DIP2C: variants seen among roughly 807,000 people sequenced by gnomAD.
DIP2C encodes the protein DIP2 acetate--CoA ligase C (putative), also known as disco-interacting protein 2 homolog C.
In DIP2C, 33 loss-of-function variants were observed where a neutral mutation model predicts 192.4. The ratio of observed to expected loss-of-function variants is 0.17; its 90% confidence interval spans 0.13 to 0.23. The LOEUF is 0.23. DIP2C is among the 10% of genes least tolerant of loss of function. The probability of loss-of-function intolerance (pLI) is 1.00; values close to 1 mark genes in which losing one functional copy is unlikely to be tolerated. For synonymous variants in DIP2C, 979 were observed against 864.1 expected (o/e 1.13, Z -2.33); for missense variants, 1,537 against 2,110.1 (o/e 0.73, Z 5.32).
At chr10:421,770 C>T (rs1966200465) in intron 5 of DIP2C, among the ~76,000 whole-genome samples, 1 of 152,028 alleles carries the variant, frequency 6.6e-6, no homozygotes, top group Non-Finnish European at 1.5e-5. Flanking sequence ...TCACCAAAAG[C>T]CTAAAAGCAG....
At chr10:473,476 C>T (rs896224701) in intron 2 of DIP2C, among the ~76,000 whole-genome samples, 2 of 149,176 alleles carry the variant, frequency 1.3e-5, no homozygotes, top group South Asian at 2.1e-4. Flanking sequence ...GTTCTGTGAA[C>T]GGCTCTGATA....
At chr10:329,341 C>T (rs948681995) in intron 30 of DIP2C, 92 bp downstream of exon 30, 1 of 1,326,724 alleles carries the variant, frequency 7.5e-7, no homozygotes, top group Non-Finnish European at 1.0e-6. Flanking sequence ...TTTTGGAGGA[C>T]TGTTTTAACT....
At chr10:414,907 T>TATATA (rs1491253436) in intron 7 of DIP2C, among the ~76,000 whole-genome samples, 10 of 35,126 alleles carry the variant, frequency 2.8e-4, no homozygotes, top group Non-Finnish European at 6.2e-4. Context: ...TATATATATA[T>TATATA]TTTTTTTTTT....
intron 1 of DIP2C, among the ~76,000 whole-genome samples, chr10:565,943 C>T (rs1400947158): frequency 2.6e-5 from 4 of 152,210 alleles, no homozygotes; most frequent in Non-Finnish European, 4.4e-5. Flanking sequence ...TGTTTCAGAT[C>T]CACGTCACCC....
At chr10:389,782 C>T (rs1330072634) in intron 13 of DIP2C, among the ~76,000 whole-genome samples, 1 of 152,270 alleles carries the variant, frequency 6.6e-6, no homozygotes, top group East Asian at 1.9e-4. Context: ...GCTGTGCGGA[C>T]ATAAATGTCT....
At chr10:312,133 G>A (rs1027681456) in intron 31 of DIP2C, among the ~76,000 whole-genome samples, 4 of 152,168 alleles carry the variant, frequency 2.6e-5, no homozygotes, top group Admixed American at 1.3e-4. Flanking sequence ...CGGTCTGCTC[G>A]GCAGCCTCAG....
intron 1 of DIP2C, among the ~76,000 whole-genome samples, chr10:676,828 C>T (rs1178643087): frequency 6.6e-6 from 1 of 151,856 alleles, no homozygotes; most frequent in East Asian, 1.9e-4. Flanking sequence ...CTAATGGATA[C>T]AAAATTACAT....
chr10:495,457 G>T (rs968137640), intron 1 of DIP2C, among the ~76,000 whole-genome samples: 3 of 152,090 alleles, frequency 2.0e-5, no homozygotes, highest in African/African-American at 7.2e-5. Context: ...ATAGCTTGAA[G>T]GGGCAGGAAA....
intron 1 of DIP2C, among the ~76,000 whole-genome samples, chr10:600,510 C>T (rs535282302): frequency 3.9e-5 from 6 of 152,098 alleles, no homozygotes; most frequent in East Asian, 1.9e-4. Context: ...TCGGATGCTC[C>T]GGAGCGACCC....
At chr10:586,855 G>A (rs201792489) in intron 1 of DIP2C, among the ~76,000 whole-genome samples, 2 of 151,962 alleles carry the variant, frequency 1.3e-5, no homozygotes, top group African/African-American at 4.8e-5. Flanking sequence ...ATTTTGTGGG[G>A]AAAACCCCAC....
chr10:582,425 AAAAG>A (rs1390153933), intron 1 of DIP2C, among the ~76,000 whole-genome samples: 5 of 152,294 alleles, frequency 3.3e-5, no homozygotes, highest in African/African-American at 1.2e-4. Flanking sequence ...TGCAACAAAG[AAAAG>A]AAAGTTAGCC....
chr10:341,231 A>G lies in DIP2C; in HGVS notation c.3552T>C (p.Cys1184=). The G allele has an allele frequency of 6.2e-7, 1 of 1,614,208 alleles. No homozygotes were observed. The highest frequency in any genetic ancestry group is 1.1e-5 in the South Asian group (1 of 91,080). The stretch of plus-strand genomic sequence containing the variant: ...GGCACCAGAGGACAAATCCCAGTCC[A>G]CAGTAAGGGTCCAGGCAGATGGCCA... ...REVAICLDPY[C]GLGFVLWCLC... Residue 1184 remains cysteine (C), a synonymous_variant, in exon 29 of 37, where the codon TGT becomes TGC. Transcript: ENST00000280886.
chr10:615,784 C>G (rs1853429795), intron 1 of DIP2C, among the ~76,000 whole-genome samples: 2 of 152,194 alleles, frequency 1.3e-5, no homozygotes, highest in African/African-American at 4.8e-5. Flanking sequence ...AAATCTGCGT[C>G]TCATGCGTGA....
At chr10:564,737 G>A (rs1013614953) in intron 1 of DIP2C, among the ~76,000 whole-genome samples, 1 of 152,114 alleles carries the variant, frequency 6.6e-6, no homozygotes, top group South Asian at 2.1e-4. Flanking sequence ...CAGACACCAG[G>A]CACTGCACAG....
intron 32 of DIP2C, 43 bp from the exon 33 acceptor site, chr10:288,464 C>T: frequency 6.2e-7 from 1 of 1,602,198 alleles, no homozygotes; most frequent in Middle Eastern, 1.7e-4. Context: ...TGTTTGCTGT[C>T]CAGTTTTCCC....
intron 23 of DIP2C, among the ~76,000 whole-genome samples, 157 bp downstream of exon 23, chr10:357,671 C>T (rs556923001): frequency 1.0e-3 from 157 of 151,904 alleles, no homozygotes; most frequent in African/African-American, 3.4e-3. Context: ...TCGGGAAAGT[C>T]GGGGACTGTC....
intron 1 of DIP2C, among the ~76,000 whole-genome samples, chr10:675,505 GATAA>G (rs1242153307): frequency 1.3e-5 from 2 of 150,526 alleles, no homozygotes; most frequent in Non-Finnish European, 3.0e-5. Flanking sequence ...TTTTTGAAAA[GATAA>G]ATAAAATAGA....
intron 3 of DIP2C, 176 bp from the exon 4 acceptor site, chr10:441,172 TCA>T: frequency 4.4e-6 from 3 of 684,478 alleles, no homozygotes; most frequent in Non-Finnish European, 6.8e-6. Flanking sequence ...TAAAATTCAT[TCA>T]CAGACTTTTA....
chr10:682,826 G>A (rs904111959), intron 1 of DIP2C, among the ~76,000 whole-genome samples: 24 of 151,306 alleles, frequency 1.6e-4, no homozygotes, highest in East Asian at 9.6e-4. Flanking sequence ...GTTTGGGTCC[G>A]GCCCACAGTC....
Sources: gnomAD v4.1 joint callset for allele counts (sites outside exome capture counted in the v4.1 genomes callset) on GRCh38, gnomAD v4.1.1 for gene constraint, MANE v1.5 for transcripts, NCBI Gene and HGNC (gene_info 2026-07-23, HGNC 2026-07-21) for gene names.